FGF4: variants seen among roughly 807,000 people sequenced by gnomAD.
FGF4 encodes the protein fibroblast growth factor 4, also known as heparin secretory transforming protein 1.
In FGF4, 9 loss-of-function variants were observed where a neutral mutation model predicts 15.7. That is an observed-to-expected ratio of 0.57 (90% CI 0.35 to 1.00). FGF4 has a LOEUF of 1.00. Among genes scored for constraint, FGF4 ranks in the 50% least tolerant of loss-of-function variants. FGF4 has a pLI of 0.02. For missense variants in FGF4, 286 were observed against 297.3 expected, an observed-to-expected ratio of 0.96 and a Z score of 0.28; for synonymous variants, 164 against 144.8, an observed-to-expected ratio of 1.13 and a Z score of -0.95.
rs766661168 is a variant in FGF4, at chr11:69,774,748, C to A, written c.337G>T (p.Asp113Tyr). The change falls in exon 1 of 3, where the codon GAC becomes TAC. Residue 113 changes from aspartate to tyrosine, a missense_variant. Coordinates refer to ENST00000168712, the MANE Select transcript of FGF4 (RefSeq NM_002007.4). Reference sequence around the variant, plus strand: ...CGCGCCTGGCCGCGCCACTCACTGTCGCGGGTGTCCGCGTGCGCGCCGCCG... The same window carrying A: ...CGCGCCTGGCCGCGCCACTCACTGTAGCGGGTGTCCGCGTGCGCGCCGCCG... ...RIGGAHADTR[D>Y]SLLELSPVER... 2.2e-5 allele frequency: 32 copies of A among 1,486,492 alleles called. No individual in the cohort carries two copies. Among genetic ancestry groups the A allele is most frequent in the Non-Finnish European group, 1.9e-5 (21 of 1,127,268 alleles). 92.1% of individuals were successfully genotyped at this position (1,486,492 alleles called of 1,614,324 possible).
Position 69,774,963 on chromosome 11 carries a change from G to A in FGF4, c.122C>T (p.Ala41Val), listed in dbSNP as rs1855622962. The A allele has an allele frequency of 1.4e-6, 2 of 1,475,770 alleles. No individual in the cohort carries two copies. The highest frequency in any genetic ancestry group is 8.9e-7 in the Non-Finnish European group (1 of 1,121,218). The allele number at this position is 1,475,770 out of a possible 1,614,324, so 91.4% of individuals were successfully genotyped here. A position where few individuals can be genotyped will look rare whatever the true frequency, so the allele number is the denominator to read the frequency against. Residue 41 changes from alanine (A) to valine (V), a missense_variant, in exon 1 of 3, where the codon GCC (alanine) becomes GTC (valine). Transcript: ENST00000168712. The stretch of plus-strand genomic sequence containing the variant: ...GCTCTCCCAGCGGCGCTCCAGCTCG[G>A]CCTCCAGCGTGCCGTTGGGTGCAGT... Reference protein sequence around the residue: ...APTAPNGTLEAELERRWESLV... With the variant: ...APTAPNGTLEVELERRWESLV...
At position 69,774,153 on chromosome 11, in the gene FGF4, G is replaced by A. The variant is rs747647160; in HGVS notation, c.341-26C>T. The stretch of plus-strand genomic sequence containing the variant: ...CTGGGGGCGGGGCGCAGGTCATTGC[G>A]GGGCAGGTGATCCCTGGCCCACTCC... On this transcript the variant is annotated intron_variant, in intron 1 of 2. Transcript: ENST00000168712. 5 of 1,576,192 alleles carry A rather than the reference G, an allele frequency of 3.2e-6. No individual in the cohort carries two copies. In the East Asian group the frequency reaches 9.0e-5, roughly 28 times the overall value.
At chr11:69,774,615 C>T (rs1249073598) in intron 1 of FGF4, 130 bp downstream of exon 1, 1 of 639,358 alleles carries the variant, frequency 1.6e-6, no homozygotes, top group South Asian at 3.0e-5. Context: ...GGACCGGAGC[C>T]CGAGTCCGCC....
Position 69,774,876 on chromosome 11 carries a change from T to G in FGF4, c.209A>C (p.Gln70Pro). ...VAAQPKEAAVQSGAGDYLLGI... is the reference protein window; with the variant it reads ...VAAQPKEAAVPSGAGDYLLGI... Reference sequence around the variant, plus strand: ...CAGCAGGTAGTCGCCGGCGCCGCTCTGGACGGCCGCCTCCTTGGGCTGCGC... The same window carrying G: ...CAGCAGGTAGTCGCCGGCGCCGCTCGGGACGGCCGCCTCCTTGGGCTGCGC... The change falls in exon 1 of 3, where the codon CAG becomes CCG. Residue 70 changes from glutamine (Q) to proline (P), a missense_variant. Physicochemically the swap from Gln to Pro is moderately conservative, Grantham distance 76 (BLOSUM62 -1). Transcript: ENST00000168712. 5.3e-6 allele frequency: 8 copies of G among 1,499,248 alleles called. No individual in the cohort carries two copies. Among genetic ancestry groups the G allele is most frequent in the Non-Finnish European group, 7.1e-6 (8 of 1,131,644 alleles). The allele number at this position is 1,499,248 out of a possible 1,614,324, so 92.9% of individuals were successfully genotyped here.
rs1467905383 is a variant in FGF4 at position 69,773,485 on chromosome 11, G to C, written c.445C>G (p.Pro149Ala). ...MSSKGKLYGS[P>A]FFTDECTFKE... ...AACGTGCACTCATCGGTGAAGAAGGGCTGCAGCAAAGCAGGGCAGTGTCAG... is the reference window on the plus strand; with the variant it reads ...AACGTGCACTCATCGGTGAAGAAGGCCTGCAGCAAAGCAGGGCAGTGTCAG... Residue 149 changes from proline to alanine, a missense_variant and splice_region_variant, in exon 3 of 3, where the codon CCC (proline) becomes GCC (alanine). By Grantham distance (27) the Pro-to-Ala change is conservative (BLOSUM62 -1). Coordinates refer to ENST00000168712, the MANE Select transcript of FGF4 (RefSeq NM_002007.4). 6.2e-7 allele frequency: 1 copy of C among 1,614,178 alleles called. No individual in the cohort carries two copies. The highest frequency in any genetic ancestry group is 1.3e-5 in the African/African-American group (1 of 75,070).
At position 69,773,163 on chromosome 11, in the gene FGF4, A is replaced by G. The variant is rs145476178; in HGVS notation, c.*146T>C. On this transcript the variant is annotated 3_prime_UTR_variant, in exon 3 of 3. Coordinates refer to ENST00000168712, the MANE Select transcript of FGF4 (RefSeq NM_002007.4). Reference sequence around the variant, plus strand: ...GCAGAACTATAAATAATTTGGTGGCAATATATACACATTTAAATAATTAAT... The same window carrying G: ...GCAGAACTATAAATAATTTGGTGGCGATATATACACATTTAAATAATTAAT... 10 of 588,864 alleles carry G rather than the reference A, an allele frequency of 1.7e-5. No individual in the cohort carries two copies. The East Asian group carries it at 2.6e-4, about 15-fold the overall frequency. 36.5% of individuals were successfully genotyped at this position (588,864 alleles called of 1,614,324 possible).
rs1035846904 is a variant in FGF4 at position 69,772,319 on chromosome 11, T to C, written c.*990A>G. 6.6e-6 allele frequency: 1 copy of C among 152,230 alleles called. No homozygotes were observed. Among genetic ancestry groups the C allele is most frequent in the African/African-American group, 2.4e-5 (1 of 41,458 alleles). 9.4% of individuals were successfully genotyped at this position (152,230 alleles called of 1,614,324 possible). On this transcript the variant is annotated 3_prime_UTR_variant, in exon 3 of 3. Transcript: ENST00000168712. ...GCAGCAGGCTGCTCCACGCAAACACTGCACCAAGTGCTTTGTACAATTACA... is the reference window on the plus strand; with the variant it reads ...GCAGCAGGCTGCTCCACGCAAACACCGCACCAAGTGCTTTGTACAATTACA...
In FGF4 at chr11:69,774,862, C is replaced by G; in HGVS notation, c.223G>C (p.Asp75His). 7 of 1,507,396 alleles carry G rather than the reference C, an allele frequency of 4.6e-6. No individual in the cohort carries two copies. The highest frequency in any genetic ancestry group is 6.2e-6 in the Non-Finnish European group (7 of 1,135,834). 93.4% of individuals were successfully genotyped at this position (1,507,396 alleles called of 1,614,324 possible). The part of the protein sequence containing the change: ...KEAAVQSGAG[D>H]YLLGIKRLRR... ...AGCCGCTTGATGCCCAGCAGGTAGT[C>G]GCCGGCGCCGCTCTGGACGGCCGCC... The change falls in exon 1 of 3, where the codon GAC (aspartate) becomes CAC (histidine). Residue 75 changes from aspartate to histidine, a missense_variant. Physicochemically the swap from Asp to His is moderately conservative, Grantham distance 81. Coordinates refer to ENST00000168712, the MANE Select transcript of FGF4 (RefSeq NM_002007.4).
Position 69,774,013 on chromosome 11 carries a change from G to A in FGF4, c.444+11C>T. Reference sequence around the variant, plus strand: ...CAACTAGGTGCCTAGCCAGACCCCTGCGGTACTCACCGAGCCATAGAGCTT... The same window carrying A: ...CAACTAGGTGCCTAGCCAGACCCCTACGGTACTCACCGAGCCATAGAGCTT... On this transcript the variant is annotated intron_variant, in intron 2 of 2. Transcript: ENST00000168712. 1 of 1,607,030 alleles carries A rather than the reference G, an allele frequency of 6.2e-7. No homozygotes were observed. Among genetic ancestry groups the A allele is most frequent in the African/African-American group, 1.3e-5 (1 of 74,970 alleles).
Position 69,773,172 on chromosome 11 carries a change from A to G in FGF4, c.*137T>C, listed in dbSNP as rs1464665113. ...TAAATAATTTGGTGGCAATATATAC[A>G]CATTTAAATAATTAATTTAAATATC... On this transcript the variant is annotated 3_prime_UTR_variant, in exon 3 of 3. Coordinates refer to ENST00000168712, the MANE Select transcript of FGF4 (RefSeq NM_002007.4). 3.1e-6 allele frequency: 2 copies of G among 634,984 alleles called. No homozygotes were observed. The highest frequency in any genetic ancestry group is 5.4e-6 in the Non-Finnish European group (2 of 368,122). 39.3% of individuals were successfully genotyped at this position (634,984 alleles called of 1,614,324 possible).
At position 69,772,558 on chromosome 11, in the gene FGF4, C is replaced by G. The variant is rs1855584293; in HGVS notation, c.*751G>C. ...CACTATCTTGTCCATTTCTAGCCTTCCAGTGGGATATTGATTCCTCTCCAT... is the reference window on the plus strand; with the variant it reads ...CACTATCTTGTCCATTTCTAGCCTTGCAGTGGGATATTGATTCCTCTCCAT... On this transcript the variant is annotated 3_prime_UTR_variant, in exon 3 of 3. Coordinates refer to ENST00000168712, the MANE Select transcript of FGF4 (RefSeq NM_002007.4). 1 of 152,038 alleles carries G rather than the reference C, an allele frequency of 6.6e-6. No individual in the cohort carries two copies. Among genetic ancestry groups the G allele is most frequent in the South Asian group, 2.1e-4 (1 of 4,818 alleles). The allele number at this position is 152,038 out of a possible 1,614,324, so 9.4% of individuals were successfully genotyped here. A position where few individuals can be genotyped will look rare whatever the true frequency, so the allele number is the denominator to read the frequency against.
rs1178522570 is a variant in FGF4 at position 69,775,037 on chromosome 11, C to T, written c.48G>A (p.Leu16=). The T allele has an allele frequency of 1.4e-6, 2 of 1,416,340 alleles. No homozygotes were observed. Among genetic ancestry groups the T allele is most frequent in the Non-Finnish European group, 1.8e-6 (2 of 1,091,648 alleles). The allele number at this position is 1,416,340 out of a possible 1,614,324, so 87.7% of individuals were successfully genotyped here. Residue 16 remains leucine (L), a synonymous_variant, in exon 1 of 3, where the codon CTG becomes CTA. Coordinates refer to ENST00000168712, the MANE Select transcript of FGF4 (RefSeq NM_002007.4). The part of the protein sequence containing the change: ...TAAVALLPAV[L]LALLAPWAGR... ...CCGCCCAGGGCGCCAGCAAGGCCAG[C>T]AGGACCGCCGGGAGCAGCGCTACCG... is the stretch of plus-strand genomic sequence containing the variant.
In FGF4 at chr11:69,774,908, C is replaced by A. The variant is rs1364602626; in HGVS notation, c.177G>T (p.Pro59=). ...CCGCCTCCTTGGGCTGCGCTGCCAC[C>A]GGCAGGCGCGCCAACGAGAGCGCCA... ...SLVALSLARL[P]VAAQPKEAAV... Residue 59 remains proline (P), a synonymous_variant, in exon 1 of 3, where the codon CCG becomes CCT. Transcript: ENST00000168712. 6 of 1,481,284 alleles carry A rather than the reference C, an allele frequency of 4.1e-6. No individual in the cohort carries two copies. The highest frequency in any genetic ancestry group is 5.3e-6 in the Non-Finnish European group (6 of 1,123,776). 91.8% of individuals were successfully genotyped at this position (1,481,284 alleles called of 1,614,324 possible).
intron 2 of FGF4, 67 bp from the exon 3 acceptor site, chr11:69,773,552 G>A (rs1478010373): frequency 6.6e-7 from 1 of 1,525,596 alleles, no homozygotes; most frequent in East Asian, 2.3e-5. Context: ...CCTGAAGCCA[G>A]GGGTCAGAAC....
chr11:69,773,435 G>C lies in FGF4; in HGVS notation c.495C>G (p.Asn165Lys), dbSNP rs1240994590. The C allele has an allele frequency of 1.9e-6, 3 of 1,614,182 alleles. No homozygotes were observed. The highest frequency in any genetic ancestry group is 2.5e-6 in the Non-Finnish European group (3 of 1,180,024). ...CTFKEILLPN[N>K]YNAYESYKYP... ...ACTTGTAGGACTCGTAGGCGTTGTA[G>C]TTGTTGGGAAGGAGAATCTCCTTGA... Residue 165 changes from asparagine (N) to lysine (K), a missense_variant, in exon 3 of 3, where the codon AAC (asparagine) becomes AAG (lysine). Coordinates refer to ENST00000168712, the MANE Select transcript of FGF4 (RefSeq NM_002007.4).
chr11:69,774,811 T>A lies in FGF4; in HGVS notation c.274A>T (p.Ile92Phe). 1 of 1,527,858 alleles carries A rather than the reference T, an allele frequency of 6.5e-7. No homozygotes were observed. 94.6% of individuals were successfully genotyped at this position (1,527,858 alleles called of 1,614,324 possible). A position where few individuals can be genotyped will look rare whatever the true frequency, so the allele number is the denominator to read the frequency against. Reference protein sequence around the residue: ...RLRRLYCNVGIGFHLQALPDG... With the variant: ...RLRRLYCNVGFGFHLQALPDG... Reference sequence around the variant, plus strand: ...GGGAGCGCCTGGAGGTGGAAGCCGATGCCCACGTTGCAGTAGAGCCGCCGC... The same window carrying A: ...GGGAGCGCCTGGAGGTGGAAGCCGAAGCCCACGTTGCAGTAGAGCCGCCGC... Residue 92 changes from isoleucine (I) to phenylalanine (F), a missense_variant, in exon 1 of 3, where the codon ATC becomes TTC. By Grantham distance (21) the Ile-to-Phe change is conservative. Coordinates refer to ENST00000168712, the MANE Select transcript of FGF4 (RefSeq NM_002007.4).
In FGF4 at chr11:69,773,281, G is replaced by A. The variant is rs375048236; in HGVS notation, c.*28C>T. 7 of 1,611,302 alleles carry A rather than the reference G, an allele frequency of 4.3e-6. No individual in the cohort carries two copies. Among genetic ancestry groups the A allele is most frequent in the Admixed American group, 1.7e-5 (1 of 59,936 alleles). On this transcript the variant is annotated 3_prime_UTR_variant, in exon 3 of 3. Transcript: ENST00000168712. ...GGCACTGCCCTCCCAGGGGCTTCCC[G>A]AGGCTGAGGCAAGGGTCCTCTGGAG...
chr11:69,773,878 T>C (rs1245469550), intron 2 of FGF4, 146 bp downstream of exon 2: 5 of 642,218 alleles, frequency 7.8e-6, no homozygotes, highest in Middle Eastern at 3.2e-4. Context: ...GCTTCCTTTG[T>C]CTGGGGAGGC....
At position 69,775,193 on chromosome 11, in the gene FGF4, G is replaced by T; in HGVS notation, c.-109C>A. 1.4e-6 allele frequency: 1 copy of T among 715,468 alleles called. No homozygotes were observed. Among genetic ancestry groups the T allele is most frequent in the Admixed American group, 4.4e-5 (1 of 22,600 alleles). 44.3% of individuals were successfully genotyped at this position (715,468 alleles called of 1,614,324 possible). ...GGAGCGCACGGCCGACCTCGGGCAG[G>T]AGTGCGCAACCGAGGAGGTGCGGGA... On this transcript the variant is annotated 5_prime_UTR_variant, in exon 1 of 3. Coordinates refer to ENST00000168712, the MANE Select transcript of FGF4 (RefSeq NM_002007.4).
Sources: gnomAD v4.1 joint callset for allele counts on GRCh38, gnomAD v4.1.1 for gene constraint, MANE v1.5 for transcripts, NCBI Gene and HGNC (gene_info 2026-07-23, HGNC 2026-07-21) for gene names.